The following LIMK2 variants were observed in gnomAD, a reference collection of about 807,000 sequenced individuals.
The protein encoded by LIMK2 is LIM domain kinase 2.
Under a neutral mutation model 75.7 loss-of-function variants are expected in LIMK2, and 35 were observed. The ratio of observed to expected loss-of-function variants is 0.46; its 90% CI spans 0.35 to 0.61. The LOEUF is 0.61. Among genes scored for constraint, LIMK2 ranks in the 20% least tolerant of loss-of-function variants. LIMK2 has a pLI of 0.00. For missense variants in LIMK2, 623 were observed against 831.0 expected, an observed-to-expected ratio of 0.75 and a Z score of 3.08; for synonymous variants, 301 against 319.2, an observed-to-expected ratio of 0.94 and a Z score of 0.61.
intron 1 of LIMK2, among the ~76,000 whole-genome samples, chr22:31,224,398 C>T (rs982661728): frequency 2.0e-5 from 3 of 152,130 alleles, no homozygotes; most frequent in African/African-American, 7.2e-5. Flanking sequence ...TTCCTGGTTC[C>T]CCTCATTGGA....
chr22:31,242,243 G>A (rs2048629137), intron 2 of LIMK2, among the ~76,000 whole-genome samples: 1 of 152,214 alleles, frequency 6.6e-6, no homozygotes, highest in African/African-American at 2.4e-5. Flanking sequence ...GCTGACTCCT[G>A]ATGATCAGCT....
At chr22:31,273,218 T>C (rs1054445896) in intron 13 of LIMK2, 1 of 219,608 alleles carries the variant, frequency 4.6e-6, no homozygotes, top group Non-Finnish European at 7.7e-6. Flanking sequence ...TTTTCCACTT[T>C]AACGTGCAGT....
intron 2 of LIMK2, among the ~76,000 whole-genome samples, chr22:31,247,201 A>G (rs1326166316): frequency 1.3e-5 from 2 of 150,456 alleles, no homozygotes; most frequent in Non-Finnish European, 1.5e-5. Context: ...CCCCAAATCC[A>G]GTAGTGAGAT....
chr22:31,264,796 C>T (rs1319986111), intron 7 of LIMK2, among the ~76,000 whole-genome samples: 7 of 151,940 alleles, frequency 4.6e-5, no homozygotes, highest in Admixed American at 6.6e-5. Flanking sequence ...CAGTGGCTCA[C>T]GCCTATAATC....
intron 1 of LIMK2, among the ~76,000 whole-genome samples, chr22:31,215,144 G>A (rs941560955): frequency 1.3e-5 from 2 of 152,178 alleles, no homozygotes; most frequent in East Asian, 1.9e-4. Context: ...AAATGACAAG[G>A]TTCCATAGCT....
intron 2 of LIMK2, among the ~76,000 whole-genome samples, chr22:31,257,036 A>T (rs2048789576): frequency 9.1e-6 from 1 of 110,322 alleles, no homozygotes; most frequent in South Asian, 3.2e-4. Flanking sequence ...GAAGGGAGCT[A>T]TAGATTTTTT....
At chr22:31,223,180 A>G (rs1185979940) in intron 1 of LIMK2, among the ~76,000 whole-genome samples, 1 of 152,160 alleles carries the variant, frequency 6.6e-6, no homozygotes, top group African/African-American at 2.4e-5. Flanking sequence ...AACCAGGTGG[A>G]TATGAGAGGA....
In LIMK2 at chr22:31,272,645, G is replaced by A. The variant is rs780683920; in HGVS notation, c.1499G>A (p.Arg500His). 69 of 1,613,678 alleles carry A rather than the reference G, an allele frequency of 4.3e-5. No individual in the cohort carries two copies. The highest frequency in any genetic ancestry group is 5.4e-5 in the Non-Finnish European group (64 of 1,179,898). The part of the protein sequence containing the change: ...TKKRTLRKND[R>H]KKRYTVVGNP... ...AAACGCACCTTGCGCAAGAACGACCGCAAGAAGCGCTACACGGTGGTGGGA... is the reference window on the plus strand; with the variant it reads ...AAACGCACCTTGCGCAAGAACGACCACAAGAAGCGCTACACGGTGGTGGGA... The change falls in exon 13 of 16, where the codon CGC becomes CAC. Residue 500 changes from arginine (R) to histidine (H), a missense_variant. Physicochemically the swap from Arg to His is conservative, Grantham distance 29 (BLOSUM62 0). Coordinates refer to ENST00000331728, the MANE Select transcript of LIMK2 (RefSeq NM_005569.4).
chr22:31,217,398 GAA>G (rs371346839), intron 1 of LIMK2, among the ~76,000 whole-genome samples: 3 of 134,684 alleles, frequency 2.2e-5, no homozygotes, highest in Non-Finnish European at 1.6e-5. Flanking sequence ...CTCCGTCTCA[GAA>G]AAAAAAAAAA....
chr22:31,275,440 C>G (rs1264203809), intron 15 of LIMK2, 132 bp downstream of exon 15: 2 of 806,786 alleles, frequency 2.5e-6, no homozygotes, highest in Admixed American at 2.7e-5. Context: ...CTGTCAACCC[C>G]TGAGCCATCT....
At position 31,260,035 on chromosome 22, in the gene LIMK2, A is replaced by C; in HGVS notation, c.509A>C (p.Glu170Ala). ...EGRRGFSVSV[E>A]SACSNYATTV... ...AGGCGGGGCTTCTCCGTGTCCGTGG[A>C]GAGTGCCTGCTCCAACTACGCCACC... The change falls in exon 5 of 16, where the codon GAG becomes GCG. Residue 170 changes from glutamate to alanine, a missense_variant. Glu to Ala is a moderately radical substitution (Grantham distance 107). This residue lies in a region of LIMK2 where 514 missense variants were observed against 661.3 expected (regional missense o/e 0.78). Coordinates refer to ENST00000331728, the MANE Select transcript of LIMK2 (RefSeq NM_005569.4). The C allele has an allele frequency of 1.2e-6, 2 of 1,606,180 alleles. No individual in the cohort carries two copies. The highest frequency in any genetic ancestry group is 8.5e-7 in the Non-Finnish European group (1 of 1,177,684).
chr22:31,231,285 GT>G (rs1352428538), intron 2 of LIMK2, among the ~76,000 whole-genome samples: 1 of 152,188 alleles, frequency 6.6e-6, no homozygotes, highest in Non-Finnish European at 1.5e-5. Context: ...GTCAACAAAA[GT>G]GCTGTTAACT....
At chr22:31,212,497 G>T (rs964154108) in intron 1 of LIMK2, 73 bp downstream of exon 1, 108 of 1,300,320 alleles carry the variant, frequency 8.3e-5, no homozygotes, top group Non-Finnish European at 1.6e-5. Context: ...GAGGGAAACC[G>T]GCTGTCTCTC....
chr22:31,238,315 A>G (rs1208021600), intron 2 of LIMK2, among the ~76,000 whole-genome samples: 1 of 152,166 alleles, frequency 6.6e-6, no homozygotes, highest in Non-Finnish European at 1.5e-5. Flanking sequence ...AATTTCTTTC[A>G]GTGGCTACTC....
chr22:31,242,926 A>G (rs12157877), intron 2 of LIMK2, among the ~76,000 whole-genome samples: 1 of 151,784 alleles, frequency 6.6e-6, no homozygotes, highest in Non-Finnish European at 1.5e-5. Context: ...GGGACATTTT[A>G]TTTATTTATT....
At chr22:31,267,951 T>G (rs1440696198) in intron 10 of LIMK2, 44 bp downstream of exon 10, 1 of 1,573,096 alleles carries the variant, frequency 6.4e-7, no homozygotes, top group African/African-American at 1.4e-5. Flanking sequence ...TGGTGGGTTG[T>G]CAGACACCTA....
At chr22:31,255,240 C>CCCAT (rs1389242427) in intron 2 of LIMK2, among the ~76,000 whole-genome samples, 1 of 152,162 alleles carries the variant, frequency 6.6e-6, no homozygotes, top group Non-Finnish European at 1.5e-5. Context: ...AGAACTTGAA[C>CCCAT]CCATATCTCT....
intron 2 of LIMK2, among the ~76,000 whole-genome samples, chr22:31,243,318 G>A (rs1486869457): frequency 6.6e-6 from 1 of 152,176 alleles, no homozygotes. Context: ...GTAGATGGGG[G>A]TGGTAATGCT....
At chr22:31,276,848 G>C in intron 15 of LIMK2, 1 of 1,612,112 alleles carries the variant, frequency 6.2e-7, no homozygotes, top group Non-Finnish European at 8.5e-7. Flanking sequence ...GGCCCAGTGA[G>C]GCGCCAAGGG....
Sources: gnomAD v4.1 joint callset for allele counts (sites outside exome capture counted in the v4.1 genomes callset) on GRCh38, gnomAD v4.1.1 for gene constraint, gnomAD v4.1.1 regional missense constraint, MANE v1.5 for transcripts, NCBI Gene and HGNC (gene_info 2026-07-23, HGNC 2026-07-21) for gene names.